SLC17A8: variants seen among roughly 807,000 people sequenced by gnomAD.
SLC17A8 encodes the protein solute carrier family 17 member 8, also known as vesicular glutamate transporter 3.
A neutral mutation model predicts 58.0 loss-of-function variants in SLC17A8; 31 were observed. That is an observed-to-expected ratio of 0.53 (90% CI 0.40 to 0.72). The LOEUF (loss-of-function observed/expected upper bound fraction) is 0.72, where lower values mean the gene tolerates loss of function less well. Ranked by LOEUF, SLC17A8 falls within the 30% of genes least tolerant of loss-of-function variation. The pLI, the probability that SLC17A8 is intolerant of heterozygous loss-of-function variation, is 0.00. For synonymous variants in SLC17A8, 228 were observed against 249.0 expected (o/e 0.92, Z 0.79); for missense variants, 655 against 727.8 (o/e 0.90, Z 1.15).
At chr12:100,410,362 G>A (rs1952857939) in intron 9 of SLC17A8, among the ~76,000 whole-genome samples, 1 of 152,122 alleles carries the variant, frequency 6.6e-6, no homozygotes, top group Non-Finnish European at 1.5e-5. Context: ...GGGCATGGTG[G>A]TGGGTGCCTA....
intron 9 of SLC17A8, among the ~76,000 whole-genome samples, chr12:100,409,170 TATGTATG>T (rs1952848168): frequency 6.6e-6 from 1 of 151,794 alleles, no homozygotes; most frequent in African/African-American, 2.4e-5. Flanking sequence ...TGTATGTATG[TATGTATG>T]TATGTATGTA....
At position 100,406,834 on chromosome 12, in the gene SLC17A8, C is replaced by G. The variant is rs542104142; in HGVS notation, c.1186+2664C>G. Among the ~76,000 whole-genome samples the G allele has an allele frequency of 9.9e-4, 151 of 152,126 alleles. 2 individuals are homozygous for G. Among genetic ancestry groups the G allele is most frequent in the Non-Finnish European group, 8.8e-4 (60 of 68,028 alleles). Reference sequence around the variant, plus strand: ...TACAGGCATGAGCCACCTCGCCTGGCCTTGCTTATTTATTTTTAATCTGGG... The same window carrying G: ...TACAGGCATGAGCCACCTCGCCTGGGCTTGCTTATTTATTTTTAATCTGGG... On this transcript the variant is annotated intron_variant, in intron 9 of 11. Coordinates refer to ENST00000323346, the MANE Select transcript of SLC17A8 (RefSeq NM_139319.3).
chr12:100,364,744 G>T lies in SLC17A8; in HGVS notation c.101+7252G>T, dbSNP rs545662103. Among the ~76,000 whole-genome samples, 32 of 152,290 alleles carry T rather than the reference G, an allele frequency of 2.1e-4. 1 individual carries two copies. Among genetic ancestry groups the T allele is most frequent in the South Asian group, 2.1e-3 (10 of 4,820 alleles). On this transcript the variant is annotated intron_variant, in intron 1 of 11. Coordinates refer to ENST00000323346, the MANE Select transcript of SLC17A8 (RefSeq NM_139319.3). Reference sequence around the variant, plus strand: ...TGCTTTAAATGTCCCCTGACCTCCAGTGAGGTCATTCACCACTGCCTATGA... The same window carrying T: ...TGCTTTAAATGTCCCCTGACCTCCATTGAGGTCATTCACCACTGCCTATGA...
intron 4 of SLC17A8, 76 bp from the exon 5 acceptor site, chr12:100,396,254 G>A: frequency 8.7e-7 from 1 of 1,153,144 alleles, no homozygotes; most frequent in Non-Finnish European, 1.3e-6. Context: ...CCTGTGTGAA[G>A]AAGCAGCATC....
rs543033722 is a variant in SLC17A8 at position 100,390,773 on chromosome 12, C to T, written c.355-228C>T. Among the ~76,000 whole-genome samples the T allele has an allele frequency of 2.6e-5, 4 of 152,206 alleles. No homozygotes were observed. In the South Asian group the frequency reaches 8.3e-4, roughly 32 times the overall value. On this transcript the variant is annotated intron_variant, in intron 2 of 11. Coordinates refer to ENST00000323346, the MANE Select transcript of SLC17A8 (RefSeq NM_139319.3). ...GGAGGCTCAAGCCAGGCTGAGGTCC[C>T]ACCTCAGCCTCCTAAATAACTGGGA... is the stretch of plus-strand genomic sequence containing the variant.
At chr12:100,373,628 A>C (rs1399185771) in intron 1 of SLC17A8, among the ~76,000 whole-genome samples, 2 of 128,130 alleles carry the variant, frequency 1.6e-5, no homozygotes, top group East Asian at 4.8e-4. Context: ...TCTGTCACCC[A>C]GGCTGGAGTG....
chr12:100,394,934 A>G (rs187204570), intron 4 of SLC17A8, among the ~76,000 whole-genome samples: 410 of 151,184 alleles, frequency 2.7e-3, no homozygotes, highest in Non-Finnish European at 4.5e-3. Context: ...GTAAGTTGTT[A>G]TATCATTTCA....
At chr12:100,366,001 T>A (rs895735960) in intron 1 of SLC17A8, among the ~76,000 whole-genome samples, 19 of 151,356 alleles carry the variant, frequency 1.3e-4, no homozygotes, top group African/African-American at 4.6e-4. Context: ...GCAAGCTATG[T>A]ACATGAGTTA....
intron 4 of SLC17A8, among the ~76,000 whole-genome samples, chr12:100,395,064 GTC>G (rs1036315177): frequency 1.3e-5 from 2 of 151,970 alleles, no homozygotes; most frequent in Non-Finnish European, 2.9e-5. Context: ...ACAGCCCTGA[GTC>G]TCAGGTTCTG....
At chr12:100,406,933 G>A (rs1176272676) in intron 9 of SLC17A8, among the ~76,000 whole-genome samples, 2 of 152,328 alleles carry the variant, frequency 1.3e-5, no homozygotes, top group South Asian at 2.1e-4. Flanking sequence ...GTCTAGAGAA[G>A]ATGGTGGCTT....
chr12:100,368,213 G>T (rs1952533610), intron 1 of SLC17A8, among the ~76,000 whole-genome samples: 3 of 152,210 alleles, frequency 2.0e-5, no homozygotes, highest in Non-Finnish European at 4.4e-5. Flanking sequence ...AGCTCCTCCT[G>T]AAGGCTCTTA....
chr12:100,369,662 GT>G (rs200804179), intron 1 of SLC17A8, among the ~76,000 whole-genome samples: 4 of 152,046 alleles, frequency 2.6e-5, no homozygotes, highest in Non-Finnish European at 4.4e-5. Context: ...AAAAGTAGGT[GT>G]TTTTTTTGTT....
chr12:100,377,587 T>TATATA (rs58055673), intron 1 of SLC17A8, among the ~76,000 whole-genome samples: 256 of 44,134 alleles, frequency 5.8e-3, no homozygotes, highest in African/African-American at 0.022. Flanking sequence ...ATATATATAT[T>TATATA]TTTTTTTTTT....
intron 5 of SLC17A8, among the ~76,000 whole-genome samples, chr12:100,398,790 AT>A (rs1229347064): frequency 6.6e-6 from 1 of 152,128 alleles, no homozygotes; most frequent in Non-Finnish European, 1.5e-5. Flanking sequence ...CCTGGTGGGA[AT>A]TGATTGAATC....
intron 9 of SLC17A8, among the ~76,000 whole-genome samples, chr12:100,411,078 C>T (rs547709884): frequency 1.3e-5 from 2 of 152,242 alleles, no homozygotes; most frequent in South Asian, 4.1e-4. Flanking sequence ...GGGTTCTAAA[C>T]ACAGAATATG....
intron 10 of SLC17A8, among the ~76,000 whole-genome samples, chr12:100,416,937 A>T (rs1016304421): frequency 1.3e-5 from 2 of 152,210 alleles, no homozygotes; most frequent in African/African-American, 4.8e-5. Context: ...TCTGATTTGA[A>T]CATGCACCCC....
chr12:100,378,466 C>T (rs566489183), intron 1 of SLC17A8, among the ~76,000 whole-genome samples: 1 of 151,886 alleles, frequency 6.6e-6, no homozygotes, highest in Non-Finnish European at 1.5e-5. Flanking sequence ...TGAAGACAGT[C>T]ATTTCTTTCT....
At chr12:100,405,245 G>T (rs1165663148) in intron 9 of SLC17A8, among the ~76,000 whole-genome samples, 1 of 152,300 alleles carries the variant, frequency 6.6e-6, no homozygotes, top group East Asian at 1.9e-4. Context: ...GAGGGTTAGC[G>T]GATATAGGCC....
intron 1 of SLC17A8, among the ~76,000 whole-genome samples, chr12:100,369,344 T>A (rs970631328): frequency 6.6e-6 from 1 of 152,194 alleles, no homozygotes; most frequent in African/African-American, 2.4e-5. Context: ...GGATCAGGTC[T>A]GGATGCTGTA....
Sources: gnomAD v4.1 joint callset for allele counts (sites outside exome capture counted in the v4.1 genomes callset) on GRCh38, gnomAD v4.1.1 for gene constraint, MANE v1.5 for transcripts, NCBI Gene and HGNC (gene_info 2026-07-23, HGNC 2026-07-21) for gene names.